EPHA6: variants seen among roughly 807,000 people sequenced by gnomAD.
The protein encoded by EPHA6 is ephrin type-A receptor 6.
In EPHA6, 50 loss-of-function variants were observed where a neutral mutation model predicts 112.0. That is an observed-to-expected ratio of 0.45 (90% CI 0.36 to 0.56). The LOEUF (loss-of-function observed/expected upper bound fraction) is 0.56, where lower values mean the gene tolerates loss of function less well. Ranked by LOEUF, EPHA6 falls within the 20% of genes least tolerant of loss-of-function variation. EPHA6 has a pLI of 0.00. For synonymous variants in EPHA6, 529 were observed against 490.7 expected (o/e 1.08, Z -1.03); for missense variants, 1,280 against 1,417.4 (o/e 0.90, Z 1.56).
rs1442076112 is a variant in EPHA6, at chr3:97,495,269, TATAA to T, written c.2200+11214_2200+11217del. Among the ~76,000 whole-genome samples, 3 of 150,974 alleles carry T rather than the reference TATAA, an allele frequency of 2.0e-5. No homozygotes were observed. In the Admixed American group the frequency reaches 2.0e-4, roughly 10 times the overall value. ...ACTATATATATATGTAAATCATATATATAAATATGAACCATATATATCATATAAT... is the reference window on the plus strand; with the variant it reads ...ACTATATATATATGTAAATCATATATATATGAACCATATATATCATATAAT... On this transcript the variant is annotated intron_variant, in intron 10 of 17. Coordinates refer to ENST00000389672, the MANE Select transcript of EPHA6 (RefSeq NM_001080448.3).
At chr3:96,921,972 A>T (rs1001489709) in intron 2 of EPHA6, among the ~76,000 whole-genome samples, 1 of 152,178 alleles carries the variant, frequency 6.6e-6, no homozygotes, top group Non-Finnish European at 1.5e-5. Flanking sequence ...AATAATGTGA[A>T]TCAACTGAAG....
intron 3 of EPHA6, among the ~76,000 whole-genome samples, chr3:97,077,291 G>T (rs1367217342): frequency 6.8e-6 from 1 of 147,524 alleles, no homozygotes; most frequent in African/African-American, 2.5e-5. Context: ...AGTTTGTGGG[G>T]TTCAAGACTT....
chr3:97,226,563 C>G, intron 4 of EPHA6, 144 bp downstream of exon 4: 2 of 755,658 alleles, frequency 2.6e-6, no homozygotes, highest in East Asian at 2.6e-5. Flanking sequence ...AAAAGCTTCT[C>G]TCTCTTCTCA....
At chr3:97,278,955 G>A (rs1397507111) in intron 5 of EPHA6, among the ~76,000 whole-genome samples, 1 of 152,144 alleles carries the variant, frequency 6.6e-6, no homozygotes, top group Non-Finnish European at 1.5e-5. Context: ...TCCCACACAA[G>A]GTAATAAGCA....
chr3:97,625,904 A>G (rs2093852730), intron 13 of EPHA6, among the ~76,000 whole-genome samples: 1 of 151,642 alleles, frequency 6.6e-6, no homozygotes, highest in African/African-American at 2.4e-5. Flanking sequence ...ATCTCCCAAG[A>G]CTGGAGTGTT....
At position 97,022,178 on chromosome 3, in the gene EPHA6, C is replaced by T. The variant is rs149966159; in HGVS notation, c.1114+34185C>T. Among the ~76,000 whole-genome samples, 15 of 152,148 alleles carry T rather than the reference C, an allele frequency of 9.9e-5. No homozygotes were observed. In the East Asian group the frequency reaches 2.9e-3, roughly 29 times the overall value. On this transcript the variant is annotated intron_variant, in intron 3 of 17. Coordinates refer to ENST00000389672, the MANE Select transcript of EPHA6 (RefSeq NM_001080448.3). ...GAGCTTTATGATCCATGGTGTTATC[C>T]TAAAAAACAGAACACAATATTATTA...
rs186501916 is a variant in EPHA6, at chr3:96,914,169, T to C, written c.450+47280T>C. ...GCATAAATACAGTTTTTTTAAAGTA[T>C]AGTTGCAGACCTGCTGTTTATAATT... On this transcript the variant is annotated intron_variant, in intron 2 of 17. Coordinates refer to ENST00000389672, the MANE Select transcript of EPHA6 (RefSeq NM_001080448.3). Among the ~76,000 whole-genome samples the C allele has an allele frequency of 2.5e-3, 377 of 152,250 alleles. 6 individuals carry two copies. The highest frequency in any genetic ancestry group is 0.02 in the Admixed American group (307 of 15,280).
At chr3:97,417,265 T>C (rs1003467325) in intron 6 of EPHA6, among the ~76,000 whole-genome samples, 1 of 152,168 alleles carries the variant, frequency 6.6e-6, no homozygotes, top group Non-Finnish European at 1.5e-5. Context: ...TGTTGGGTTC[T>C]AAGTCCTGTT....
chr3:97,648,558 A>C, intron 14 of EPHA6: 1 of 1,228,794 alleles, frequency 8.1e-7, no homozygotes, highest in Non-Finnish European at 1.0e-6. Flanking sequence ...CTTTAAGAAT[A>C]AATATTTTAA....
rs373965180 is a variant in EPHA6 at position 97,736,108 on chromosome 3, G to A, written c.3118G>A (p.Asp1040Asn). The A allele has an allele frequency of 3.7e-5, 60 of 1,610,994 alleles. No individual in the cohort carries two copies. The African/African-American group carries it at 7.0e-4, about 19-fold the overall frequency. Residue 1040 changes from aspartate to asparagine, a missense_variant, in exon 16 of 18, where the codon GAC (aspartate) becomes AAC (asparagine). Asp to Asn is a conservative substitution (Grantham distance 23). Transcript: ENST00000389672. ...NPSALHTLVE[D>N]ILVMPESPGE... Reference sequence around the variant, plus strand: ...CAGTGCCCTTCACACCCTGGTGGAGGACATCCTTGTGTAAGAGGCATAATG... The same window carrying A: ...CAGTGCCCTTCACACCCTGGTGGAGAACATCCTTGTGTAAGAGGCATAATG...
intron 10 of EPHA6, 50 bp from the exon 11 acceptor site, chr3:97,532,308 A>C (rs1560106318): frequency 6.6e-7 from 1 of 1,513,154 alleles, no homozygotes; most frequent in African/African-American, 1.4e-5. Context: ...ACTCTTCTGA[A>C]ATGTAAGTGT....
chr3:97,732,626 T>C (rs2035086820), intron 15 of EPHA6, among the ~76,000 whole-genome samples: 1 of 152,064 alleles, frequency 6.6e-6, no homozygotes, highest in Non-Finnish European at 1.5e-5. Context: ...TTTGACTACC[T>C]TTGAAGACAA....
chr3:97,137,107 T>G (rs938998265), intron 3 of EPHA6, among the ~76,000 whole-genome samples: 1 of 152,208 alleles, frequency 6.6e-6, no homozygotes, highest in African/African-American at 2.4e-5. Context: ...GTAAAAGTAA[T>G]TAAATGTTAT....
At chr3:97,557,750 CCT>C (rs1301476919) in intron 11 of EPHA6, among the ~76,000 whole-genome samples, 1 of 151,784 alleles carries the variant, frequency 6.6e-6, no homozygotes, top group African/African-American at 2.4e-5. Context: ...ATATTTCATA[CCT>C]TCACACAGGA....
At chr3:97,744,611 G>A (rs1467590580) in intron 16 of EPHA6, among the ~76,000 whole-genome samples, 1 of 151,984 alleles carries the variant, frequency 6.6e-6, no homozygotes, top group South Asian at 2.1e-4. Flanking sequence ...TGGTATTAAA[G>A]CATTCTGGAA....
intron 1 of EPHA6, among the ~76,000 whole-genome samples, chr3:96,826,087 A>G (rs1050179691): frequency 6.6e-6 from 1 of 151,900 alleles, no homozygotes; most frequent in Non-Finnish European, 1.5e-5. Flanking sequence ...TTAGATTAAT[A>G]TATTTCTTCT....
chr3:97,162,446 C>A (rs1036412659), intron 3 of EPHA6, among the ~76,000 whole-genome samples: 10 of 152,076 alleles, frequency 6.6e-5, no homozygotes, highest in African/African-American at 1.9e-4. Flanking sequence ...TCCAGTGGAC[C>A]AACTATGGGA....
chr3:97,426,156 T>A (rs148917074), intron 6 of EPHA6, among the ~76,000 whole-genome samples: 69 of 152,298 alleles, frequency 4.5e-4, no homozygotes, highest in African/African-American at 1.6e-3. Context: ...CACTACCCCA[T>A]ACCAATTTAC....
intron 14 of EPHA6, among the ~76,000 whole-genome samples, chr3:97,649,028 T>C (rs1422793072): frequency 3.3e-5 from 5 of 152,142 alleles, no homozygotes; most frequent in South Asian, 4.1e-4. Context: ...GGGGTTTGAC[T>C]GCTTTAGGCA....
Sources: gnomAD v4.1 joint callset for allele counts (sites outside exome capture counted in the v4.1 genomes callset) on GRCh38, gnomAD v4.1.1 for gene constraint, MANE v1.5 for transcripts, NCBI Gene and HGNC (gene_info 2026-07-23, HGNC 2026-07-21) for gene names.